The following ATAD2B variants were observed in gnomAD, a reference collection of about 807,000 sequenced individuals.
The protein encoded by ATAD2B is ATPase family AAA domain-containing protein 2B.
Under a neutral mutation model 167.6 loss-of-function variants are expected in ATAD2B, and 40 were observed. The ratio of observed to expected loss-of-function variants is 0.24; its 90% CI spans 0.19 to 0.31. ATAD2B has a LOEUF of 0.31. ATAD2B is among the 10% of genes least tolerant of loss of function. The pLI is 1.00. For synonymous variants in ATAD2B, 579 were observed against 596.5 expected, an observed-to-expected ratio of 0.97 and a Z score of 0.43; for missense variants, 1,242 against 1,757.2, an observed-to-expected ratio of 0.71 and a Z score of 5.24.
intron 1 of ATAD2B, among the ~76,000 whole-genome samples, chr2:23,907,925 T>C (rs1325027194): frequency 6.6e-6 from 1 of 152,100 alleles, no homozygotes; most frequent in Non-Finnish European, 1.5e-5. Flanking sequence ...CTGGGAAAAC[T>C]GGCTAGCCAT....
chr2:23,869,727 T>C lies in ATAD2B; in HGVS notation c.1012A>G (p.Thr338Ala), dbSNP rs1362799986. Reference protein sequence around the residue: ...KKHAIHSSDTTSSDEERFERR... With the variant: ...KKHAIHSSDTASSDEERFERR... Reference sequence around the variant, plus strand: ...TCAAAGCGTTCCTCATCAGAAGAAGTTGTGTCACTACTATGAATGGCATGC... The same window carrying C: ...TCAAAGCGTTCCTCATCAGAAGAAGCTGTGTCACTACTATGAATGGCATGC... The change falls in exon 9 of 28, where the codon ACT becomes GCT. Residue 338 changes from threonine (T) to alanine (A), a missense_variant. Physicochemically the swap from Thr to Ala is moderately conservative, Grantham distance 58 (BLOSUM62 0). Transcript: ENST00000238789. The C allele has an allele frequency of 1.0e-5, 16 of 1,567,936 alleles. No individual in the cohort carries two copies. Among genetic ancestry groups the C allele is most frequent in the South Asian group, 2.3e-5 (2 of 85,446 alleles).
rs548865463 is a variant in ATAD2B at position 23,916,018 on chromosome 2, A to G, written c.216+10537T>C. ...TGATCATTCATCATCATGGATACTT[A>G]CAAACTAATTACATTAATAAGTAAA... On this transcript the variant is annotated intron_variant, in intron 1 of 27. Coordinates refer to ENST00000238789, the MANE Select transcript of ATAD2B (RefSeq NM_017552.4). Among the ~76,000 whole-genome samples the G allele has an allele frequency of 3.9e-5, 6 of 152,356 alleles. No individual in the cohort carries two copies. The South Asian group carries it at 1.2e-3, about 32-fold the overall frequency.
the ATAD2B span, among the ~76,000 whole-genome samples, chr2:23,699,427 G>A: frequency 9.8e-5 from 15 of 152,332 alleles, no homozygotes; most frequent in African/African-American, 3.6e-4. Flanking sequence ...GAGGCAACTG[G>A]AGTTGGGAGA....
At chr2:23,829,770 A>C (rs1333987338) in intron 14 of ATAD2B, among the ~76,000 whole-genome samples, 1 of 152,156 alleles carries the variant, frequency 6.6e-6, no homozygotes, top group Non-Finnish European at 1.5e-5. Flanking sequence ...GGGAGAAAAA[A>C]AATCAAGCAT....
At chr2:23,843,315 A>C (rs1691225714) in intron 13 of ATAD2B, among the ~76,000 whole-genome samples, 1 of 152,268 alleles carries the variant, frequency 6.6e-6, no homozygotes, top group Non-Finnish European at 1.5e-5. Context: ...GAAAACAGAA[A>C]AAGACTGAAA....
intron 25 of ATAD2B, 183 bp from the exon 26 acceptor site, chr2:23,754,957 C>A: frequency 3.7e-6 from 2 of 533,560 alleles, no homozygotes; most frequent in South Asian, 3.3e-5. Flanking sequence ...GACTAAGTAA[C>A]CCAAATTAAA....
the ATAD2B span, among the ~76,000 whole-genome samples, chr2:23,699,816 T>G: frequency 6.6e-6 from 1 of 152,194 alleles, no homozygotes; most frequent in Non-Finnish European, 1.5e-5. Flanking sequence ...AGGCAGCCTT[T>G]CTGGGTTTCC....
chr2:23,920,999 G>A (rs996306978), intron 1 of ATAD2B, among the ~76,000 whole-genome samples: 1 of 152,048 alleles, frequency 6.6e-6, no homozygotes, highest in African/African-American at 2.4e-5. Context: ...GAGGTCAGGA[G>A]TTCGAGACCA....
intron 18 of ATAD2B, among the ~76,000 whole-genome samples, chr2:23,802,086 G>T (rs575753054): frequency 6.6e-6 from 1 of 151,946 alleles, no homozygotes; most frequent in African/African-American, 2.4e-5. Flanking sequence ...AGAAAAGAGG[G>T]AAACAAATTT....
intron 15 of ATAD2B, among the ~76,000 whole-genome samples, chr2:23,824,170 T>A (rs1687894427): frequency 6.6e-6 from 1 of 152,174 alleles, no homozygotes; most frequent in Non-Finnish European, 1.5e-5. Flanking sequence ...CTACATTGCC[T>A]AGGCTGGTCT....
intron 18 of ATAD2B, among the ~76,000 whole-genome samples, chr2:23,809,652 T>C (rs917423719): frequency 3.9e-5 from 6 of 152,182 alleles, no homozygotes; most frequent in Non-Finnish European, 7.4e-5. Context: ...TAATGACCAC[T>C]TACTATCAGC....
chr2:23,751,892 C>G lies in ATAD2B; in HGVS notation c.*154G>C, dbSNP rs1038724486. 9.2e-6 allele frequency: 6 copies of G among 655,366 alleles called. No individual in the cohort carries two copies. The highest frequency in any genetic ancestry group is 1.9e-5 in the African/African-American group (1 of 52,432). 40.6% of individuals were successfully genotyped at this position (655,366 alleles called of 1,614,324 possible). A position where few individuals can be genotyped will look rare whatever the true frequency, so the allele number is the denominator to read the frequency against. ...GCTGGTTGGTTTCAGGTACCTGAGA[C>G]AATAGCACCAAATTCAACAGAGAGA... On this transcript the variant is annotated 3_prime_UTR_variant, in exon 28 of 28. Coordinates refer to ENST00000238789, the MANE Select transcript of ATAD2B (RefSeq NM_017552.4).
chr2:23,727,157 AC>A, the ATAD2B span, among the ~76,000 whole-genome samples: 6 of 152,080 alleles, frequency 3.9e-5, no homozygotes, highest in East Asian at 1.2e-3. Context: ...GAAAAGACAA[AC>A]CCCAGACTGG....
At chr2:23,695,438 C>T in the ATAD2B span, among the ~76,000 whole-genome samples, 1 of 152,114 alleles carries the variant, frequency 6.6e-6, no homozygotes, top group Admixed American at 6.5e-5. The surrounding 1 kb of genome is among the most constrained non-coding windows in gnomAD (Gnocchi z 7.6). Flanking sequence ...CCCGGCCCTC[C>T]CCTCCACACC....
intron 1 of ATAD2B, among the ~76,000 whole-genome samples, chr2:23,911,586 A>C (rs1161588718): frequency 6.6e-6 from 1 of 151,652 alleles, no homozygotes; most frequent in Non-Finnish European, 1.5e-5. Context: ...GAGGAGAAAG[A>C]AGAGAACAGA....
rs1040162569 is a variant in ATAD2B at position 23,907,122 on chromosome 2, A to G, written c.217-11152T>C. Among the ~76,000 whole-genome samples, 43 of 151,242 alleles carry G rather than the reference A, an allele frequency of 2.8e-4. 1 individual carries two copies. Among genetic ancestry groups the G allele is most frequent in the East Asian group, 3.9e-4 (2 of 5,146 alleles). Reference sequence around the variant, plus strand: ...AGTGTTGGAAGTTCTGGCCAGGGCAATCAGGCAGGAGAAGGAAATAAAGGG... The same window carrying G: ...AGTGTTGGAAGTTCTGGCCAGGGCAGTCAGGCAGGAGAAGGAAATAAAGGG... On this transcript the variant is annotated intron_variant, in intron 1 of 27. Transcript: ENST00000238789.
At chr2:23,811,586 G>T (rs1051900839) in intron 17 of ATAD2B, 2 of 152,116 alleles carry the variant, frequency 1.3e-5, no homozygotes, top group Non-Finnish European at 2.9e-5. Context: ...ATCACACACC[G>T]GGGCCTGTCC....
intron 27 of ATAD2B, among the ~76,000 whole-genome samples, chr2:23,752,350 T>C (rs1329540325): frequency 1.3e-5 from 2 of 151,796 alleles, no homozygotes; most frequent in Admixed American, 6.6e-5. Flanking sequence ...GCCAGTAATA[T>C]CAGTATGAGG....
the ATAD2B span, among the ~76,000 whole-genome samples, chr2:23,743,141 CAAAA>C: frequency 7.9e-6 from 1 of 127,192 alleles, no homozygotes; most frequent in African/African-American, 3.0e-5. Flanking sequence ...GATGTTCGCC[CAAAA>C]AAAAAAAAAA....
Sources: gnomAD v4.1 joint callset for allele counts (sites outside exome capture counted in the v4.1 genomes callset) on GRCh38, gnomAD v4.1.1 for gene constraint, Gnocchi (gnomAD v3.1) non-coding constraint, MANE v1.5 for transcripts, NCBI Gene and HGNC (gene_info 2026-07-23, HGNC 2026-07-21) for gene names.